The following CACNA2D3 variants were observed in gnomAD, a reference collection of about 807,000 sequenced individuals.
The protein encoded by CACNA2D3 is calcium voltage-gated channel auxiliary subunit alpha2delta 3, also known as voltage-dependent calcium channel subunit alpha-2/delta-3.
A neutral mutation model predicts 160.6 loss-of-function variants in CACNA2D3; 60 were observed. That is an observed-to-expected ratio of 0.37 (90% CI 0.30 to 0.46). CACNA2D3 has a LOEUF of 0.46. CACNA2D3 is among the 20% of genes least tolerant of loss of function. CACNA2D3 has a pLI of 1.00. For synonymous variants in CACNA2D3, 558 were observed against 492.9 expected (o/e 1.13, Z -1.75); for missense variants, 1,205 against 1,365.0 (o/e 0.88, Z 1.85).
intron 4 of CACNA2D3, among the ~76,000 whole-genome samples, chr3:54,498,349 A>C (rs867640607): frequency 6.6e-6 from 1 of 151,922 alleles, no homozygotes; most frequent in African/African-American, 2.4e-5. Context: ...CATTTAACCT[A>C]AGTTATTGAA....
chr3:54,792,948 G>T (rs1702792212), intron 13 of CACNA2D3, among the ~76,000 whole-genome samples: 1 of 152,134 alleles, frequency 6.6e-6, no homozygotes. Context: ...TTCAGTGCAG[G>T]CAAAAAACTG....
At chr3:54,877,473 G>C (rs976992758) in intron 18 of CACNA2D3, among the ~76,000 whole-genome samples, 3 of 152,108 alleles carry the variant, frequency 2.0e-5, no homozygotes, top group African/African-American at 7.2e-5. Context: ...CAACTTAATG[G>C]GATGGGTGCT....
chr3:54,427,398 CT>C (rs907623047), intron 4 of CACNA2D3, among the ~76,000 whole-genome samples: 1 of 152,050 alleles, frequency 6.6e-6, no homozygotes, highest in African/African-American at 2.4e-5. Context: ...CAGCATCATG[CT>C]TGGTGTGCAC....
chr3:54,463,856 A>G (rs1166831314), intron 4 of CACNA2D3, among the ~76,000 whole-genome samples: 3 of 152,102 alleles, frequency 2.0e-5, no homozygotes, highest in African/African-American at 7.2e-5. Flanking sequence ...TCTGCTTTTT[A>G]GAGTTTCCAG....
At chr3:54,475,540 C>G (rs1178190998) in intron 4 of CACNA2D3, among the ~76,000 whole-genome samples, 1 of 152,066 alleles carries the variant, frequency 6.6e-6, no homozygotes, top group Non-Finnish European at 1.5e-5. Flanking sequence ...TCATCAGTTT[C>G]TTTGGGTTCT....
chr3:54,942,505 C>T (rs1701498578), intron 27 of CACNA2D3, among the ~76,000 whole-genome samples: 1 of 152,194 alleles, frequency 6.6e-6, no homozygotes, highest in Non-Finnish European at 1.5e-5. Flanking sequence ...CTTAATGCAT[C>T]TCTATTTCTA....
chr3:54,348,631 G>T (rs1331349137), intron 3 of CACNA2D3, among the ~76,000 whole-genome samples: 1 of 152,200 alleles, frequency 6.6e-6, no homozygotes, highest in East Asian at 1.9e-4. Flanking sequence ...TTATTCTGGG[G>T]ATTATTGCAA....
chr3:54,868,358 C>T (rs999264248), intron 17 of CACNA2D3, among the ~76,000 whole-genome samples: 1 of 152,150 alleles, frequency 6.6e-6, no homozygotes, highest in African/African-American at 2.4e-5. Flanking sequence ...AGTATCCCTA[C>T]CCCCGATCTG....
intron 17 of CACNA2D3, among the ~76,000 whole-genome samples, chr3:54,865,639 C>T (rs959801344): frequency 1.3e-5 from 2 of 152,224 alleles, no homozygotes; most frequent in African/African-American, 4.8e-5. Flanking sequence ...CGAACAATCT[C>T]CTTAAAGGAA....
At chr3:54,525,232 T>G (rs148376439) in intron 5 of CACNA2D3, among the ~76,000 whole-genome samples, 179 of 152,286 alleles carry the variant, frequency 1.2e-3, no homozygotes, top group Middle Eastern at 3.4e-3. Flanking sequence ...GCCGCATATA[T>G]CTCTGCACTC....
intron 35 of CACNA2D3, among the ~76,000 whole-genome samples, chr3:55,029,067 G>A (rs1703626657): frequency 1.3e-5 from 2 of 152,202 alleles, no homozygotes; most frequent in Non-Finnish European, 2.9e-5. Context: ...GAGGTCTCAA[G>A]CTGGGTGGGC....
At chr3:54,811,465 C>CTTTTTTTTTTTTTTTTTTTTTT (rs71096451) in intron 13 of CACNA2D3, among the ~76,000 whole-genome samples, 3 of 111,562 alleles carry the variant, frequency 2.7e-5, no homozygotes, top group Admixed American at 9.9e-5. Context: ...TCCCTCAGTT[C>CTTTTTTTTTTTTTTTTTTTTTT]TTTTTTTTTT....
At chr3:54,975,965 T>C (rs1702381452) in intron 29 of CACNA2D3, among the ~76,000 whole-genome samples, 1 of 152,048 alleles carries the variant, frequency 6.6e-6, no homozygotes, top group Non-Finnish European at 1.5e-5. Flanking sequence ...TTTTCTGCCA[T>C]TTGTTGTGGT....
At chr3:54,899,530 G>A (rs541683188) in intron 26 of CACNA2D3, among the ~76,000 whole-genome samples, 16 of 152,322 alleles carry the variant, frequency 1.1e-4, no homozygotes, top group Admixed American at 1.0e-3. Context: ...TGGTTTCGAT[G>A]TGAAGAGGCT....
At chr3:54,537,877 C>T (rs1007445625) in intron 5 of CACNA2D3, among the ~76,000 whole-genome samples, 8 of 152,134 alleles carry the variant, frequency 5.3e-5, no homozygotes, top group Non-Finnish European at 1.0e-4. Context: ...TGTTTCTGGC[C>T]CCGACTTGTA....
At chr3:54,311,547 C>G (rs184241273) in intron 2 of CACNA2D3, among the ~76,000 whole-genome samples, 1 of 152,304 alleles carries the variant, frequency 6.6e-6, no homozygotes, top group East Asian at 1.9e-4. Context: ...TGTCCCTGGC[C>G]AGAGCACCCT....
intron 4 of CACNA2D3, among the ~76,000 whole-genome samples, chr3:54,475,695 A>C (rs1193260784): frequency 1.3e-5 from 2 of 152,126 alleles, no homozygotes; most frequent in Non-Finnish European, 2.9e-5. Context: ...CTTTATTGAG[A>C]CATAATTGAC....
At chr3:54,339,418 G>T (rs550931622) in intron 3 of CACNA2D3, among the ~76,000 whole-genome samples, 55 of 151,996 alleles carry the variant, frequency 3.6e-4, no homozygotes, top group African/African-American at 1.3e-3. Context: ...CTCCCACCAC[G>T]ACCGCTGTTA....
chr3:54,238,333 A>G (rs1190640282), intron 2 of CACNA2D3, among the ~76,000 whole-genome samples: 1 of 152,148 alleles, frequency 6.6e-6, no homozygotes, highest in Non-Finnish European at 1.5e-5. Flanking sequence ...TGTGCATATT[A>G]AGGAGGCAGA....
Sources: gnomAD v4.1 joint callset for allele counts (sites outside exome capture counted in the v4.1 genomes callset) on GRCh38, gnomAD v4.1.1 for gene constraint, MANE v1.5 for transcripts, NCBI Gene and HGNC (gene_info 2026-07-23, HGNC 2026-07-21) for gene names.